The following CDC42BPB variants were observed in gnomAD, a reference collection of about 807,000 sequenced individuals.
CDC42BPB encodes serine/threonine-protein kinase MRCK beta.
CDC42BPB carries 37 observed loss-of-function variants against 214.9 expected under a neutral mutation model. The observed-to-expected ratio is 0.17, with a 90% CI of 0.13 to 0.23. The LOEUF is 0.23. Among genes scored for constraint, CDC42BPB ranks in the 10% least tolerant of loss-of-function variants. CDC42BPB has a pLI of 1.00. For missense variants in CDC42BPB, 1,694 were observed against 2,227.0 expected (o/e 0.76, Z 4.82); for synonymous variants, 931 against 884.0 (o/e 1.05, Z -0.94).
intron 5 of CDC42BPB, among the ~76,000 whole-genome samples, chr14:102,991,696 T>C (rs1365788817): frequency 6.6e-6 from 1 of 152,206 alleles, no homozygotes; most frequent in Non-Finnish European, 1.5e-5. Flanking sequence ...GGAGCCAAAA[T>C]ATTAACAATA....
intron 5 of CDC42BPB, among the ~76,000 whole-genome samples, chr14:102,988,092 C>T (rs1478072286): frequency 6.6e-6 from 1 of 151,844 alleles, no homozygotes; most frequent in Non-Finnish European, 1.5e-5. Context: ...AAAATCTTAT[C>T]AGAAATGAAA....
At chr14:103,052,005 C>A (rs1013062450) in intron 1 of CDC42BPB, among the ~76,000 whole-genome samples, 3 of 152,154 alleles carry the variant, frequency 2.0e-5, no homozygotes, top group Admixed American at 1.3e-4. Context: ...CCACACCCGG[C>A]TAATTTTTGT....
intron 1 of CDC42BPB, chr14:103,041,555 C>T (rs905641302): frequency 1.4e-4 from 180 of 1,311,516 alleles, no homozygotes; most frequent in Non-Finnish European, 1.7e-4. Context: ...CCAGCCGGCC[C>T]GAAGATCCGC....
At position 102,977,954 on chromosome 14, in the gene CDC42BPB, TC is replaced by T. The variant is rs1453077469; in HGVS notation, c.1220+171del. Among the ~76,000 whole-genome samples, 21 of 152,196 alleles carry T rather than the reference TC, an allele frequency of 1.4e-4. 1 individual carries two copies. The highest frequency in any genetic ancestry group is 4.1e-4 in the South Asian group (2 of 4,826). ...AACCTTGCTATGGTATCACCTGTAGTCATCAGGTGTGCATATTTTAAGACCA... is the reference window on the plus strand; with the variant it reads ...AACCTTGCTATGGTATCACCTGTAGTATCAGGTGTGCATATTTTAAGACCA... On this transcript the variant is annotated intron_variant, in intron 9 of 36. Transcript: ENST00000361246.
At position 103,008,464 on chromosome 14, in the gene CDC42BPB, A is replaced by G; in HGVS notation, c.351+8T>C. ...CCATTTGTATGGCTTTTCAAGCTCC[A>G]TACTTACCTCTGCTCTTTTCAGCAT... On this transcript the variant is annotated splice_region_variant and intron_variant, in intron 3 of 36. Transcript: ENST00000361246. The G allele has an allele frequency of 2.5e-6, 4 of 1,577,238 alleles. No individual in the cohort carries two copies. Among genetic ancestry groups the G allele is most frequent in the Non-Finnish European group, 3.5e-6 (4 of 1,146,288 alleles).
At chr14:102,954,743 A>G in intron 21 of CDC42BPB, 55 bp from the exon 22 acceptor site, 1 of 1,567,380 alleles carries the variant, frequency 6.4e-7, no homozygotes, top group Admixed American at 1.8e-5. Flanking sequence ...TACATGATCC[A>G]GACTCTACTT....
intron 3 of CDC42BPB, among the ~76,000 whole-genome samples, chr14:103,007,966 C>T (rs939980641): frequency 3.3e-5 from 5 of 152,072 alleles, no homozygotes; most frequent in Admixed American, 6.5e-5. Flanking sequence ...GCAGAGCACG[C>T]GGCTGTAGAG....
At chr14:103,006,774 G>A (rs749723924) in intron 3 of CDC42BPB, among the ~76,000 whole-genome samples, 2 of 152,044 alleles carry the variant, frequency 1.3e-5, no homozygotes, top group Non-Finnish European at 2.9e-5. Context: ...CACCGCGACT[G>A]GCAAACATTC....
Position 102,944,146 on chromosome 14 carries a change from T to C in CDC42BPB, c.4153A>G (p.Arg1385Gly). Residue 1385 changes from arginine (R) to glycine (G), a missense_variant, in exon 30 of 37, where the codon AGG becomes GGG. Coordinates refer to ENST00000361246, the MANE Select transcript of CDC42BPB (RefSeq NM_006035.4). The surrounding 1 kb of genome is among the most constrained non-coding windows in gnomAD (Gnocchi z 6.6). The part of the protein sequence containing the change: ...SVQCLAVLRD[R>G]LCVGYPSGFC... The stretch of plus-strand genomic sequence containing the variant: ...CCAGAAGGGTAGCCCACACAGAGCC[T>C]GTCCCTGAGCACCGCCAGGCACTGC... The C allele has an allele frequency of 1.9e-6, 3 of 1,613,202 alleles. No homozygotes were observed. In the South Asian group the frequency reaches 3.3e-5, roughly 18 times the overall value.
rs896081676 is a variant in CDC42BPB, at chr14:102,945,517, T to C, written c.3811+145A>G. ...TAGCACCGCGTCGCCATGCACTCGATGCCGGTCTTCACGGCACGCTGGCCC... is the reference window on the plus strand; with the variant it reads ...TAGCACCGCGTCGCCATGCACTCGACGCCGGTCTTCACGGCACGCTGGCCC... On this transcript the variant is annotated intron_variant, in intron 29 of 36. Transcript: ENST00000361246. 10 of 669,904 alleles carry C rather than the reference T, an allele frequency of 1.5e-5. 1 individual carries two copies. The highest frequency in any genetic ancestry group is 2.4e-5 in the Non-Finnish European group (9 of 382,690). The allele number at this position is 669,904 out of a possible 1,614,324, so 41.5% of individuals were successfully genotyped here. A position where few individuals can be genotyped will look rare whatever the true frequency, so the allele number is the denominator to read the frequency against.
At chr14:102,951,294 G>A (rs1892478948) in intron 24 of CDC42BPB, among the ~76,000 whole-genome samples, 1 of 152,228 alleles carries the variant, frequency 6.6e-6, no homozygotes, top group African/African-American at 2.4e-5. Flanking sequence ...CTGCTATAAT[G>A]TAGAATGAAG....
chr14:102,980,946 T>C lies in CDC42BPB; in HGVS notation c.967A>G (p.Ser323Gly), dbSNP rs775066402. Residue 323 changes from serine (S) to glycine (G), a missense_variant, in exon 8 of 37, where the codon AGT (serine) becomes GGT (glycine). By Grantham distance (56) the Ser-to-Gly change is moderately conservative (BLOSUM62 0). Around this residue, in one of 7 missense-constraint regions of CDC42BPB, gnomAD observed 225 missense variants for 459.3 expected, o/e 0.49. Transcript: ENST00000361246. ...TTCTGCCCCAGCCGGCGTTCTCTAC[T>C]GCAGATCAGTCTCTGGATGAGGTCC... is the stretch of plus-strand genomic sequence containing the variant. Reference protein sequence around the residue: ...AKDLIQRLICSRERRLGQNGI... With the variant: ...AKDLIQRLICGRERRLGQNGI... 1.2e-6 allele frequency: 2 copies of C among 1,614,204 alleles called. No individual in the cohort carries two copies.
chr14:102,950,026 G>A lies in CDC42BPB; in HGVS notation c.3310-122C>T, dbSNP rs1892412287. 22 of 1,512,518 alleles carry A rather than the reference G, an allele frequency of 1.5e-5. No individual in the cohort carries two copies. In the South Asian group the frequency reaches 2.7e-4, roughly 19 times the overall value. The allele number at this position is 1,512,518 out of a possible 1,614,324, so 93.7% of individuals were successfully genotyped here. Reference sequence around the variant, plus strand: ...TGGCGGCAGAGCTGTTTGGACAGAGGGATGTTTGCCCAAGAAGGCTCAAGG... The same window carrying A: ...TGGCGGCAGAGCTGTTTGGACAGAGAGATGTTTGCCCAAGAAGGCTCAAGG... On this transcript the variant is annotated intron_variant, in intron 25 of 36. Transcript: ENST00000361246.
At chr14:102,941,513 A>C (rs981208667) in intron 30 of CDC42BPB, 7 of 985,474 alleles carry the variant, frequency 7.1e-6, no homozygotes, top group African/African-American at 3.5e-5. Context: ...GCCTCTGAGA[A>C]CCAAGTCAAA....
intron 1 of CDC42BPB, among the ~76,000 whole-genome samples, chr14:103,028,954 A>G (rs1032254120): frequency 6.6e-6 from 1 of 152,270 alleles, no homozygotes; most frequent in Admixed American, 6.5e-5. Flanking sequence ...CATATAAACC[A>G]TTTTCAGCAG....
In CDC42BPB at chr14:102,974,100, T is replaced by C. The variant is rs971186875; in HGVS notation, c.1557A>G (p.Gln519=). The C allele has an allele frequency of 6.2e-7, 1 of 1,613,970 alleles. No individual in the cohort carries two copies. Among genetic ancestry groups the C allele is most frequent in the African/African-American group, 1.3e-5 (1 of 74,946 alleles). The change falls in exon 12 of 37, where the codon CAA becomes CAG. Residue 519 remains glutamine, a synonymous_variant. Coordinates refer to ENST00000361246, the MANE Select transcript of CDC42BPB (RefSeq NM_006035.4). ...GCCGCTGCGTGGAGTCCTCACGCTC[T>C]TGGCGAAGCGCCACTGTGTCCTCAA... ...RQLEDTVALR[Q]EREDSTQRLR...
At chr14:103,047,156 C>T (rs896084839) in intron 1 of CDC42BPB, among the ~76,000 whole-genome samples, 6 of 150,952 alleles carry the variant, frequency 4.0e-5, no homozygotes, top group Non-Finnish European at 7.4e-5. Context: ...TGGTGGTGGA[C>T]GCCTGTAATC....
intron 6 of CDC42BPB, among the ~76,000 whole-genome samples, chr14:102,985,986 G>A (rs1894229514): frequency 6.6e-6 from 1 of 152,226 alleles, no homozygotes; most frequent in Non-Finnish European, 1.5e-5. Context: ...TTCTTTCCCT[G>A]CTGGCGGGAG....
intron 1 of CDC42BPB, among the ~76,000 whole-genome samples, chr14:103,053,740 C>G (rs945645934): frequency 6.9e-5 from 10 of 145,514 alleles, no homozygotes; most frequent in African/African-American, 2.6e-4. Flanking sequence ...CCAGCCTGGG[C>G]GACAGAGTGA....
Sources: gnomAD v4.1 joint callset for allele counts (sites outside exome capture counted in the v4.1 genomes callset) on GRCh38, gnomAD v4.1.1 for gene constraint, gnomAD v4.1.1 regional missense constraint, Gnocchi (gnomAD v3.1) non-coding constraint, MANE v1.5 for transcripts, NCBI Gene and HGNC (gene_info 2026-07-23, HGNC 2026-07-21) for gene names.